The following GRIK3 variants were observed in gnomAD, a reference collection of about 807,000 sequenced individuals.
The protein encoded by GRIK3 is glutamate receptor ionotropic, kainate 3.
A neutral mutation model predicts 102.5 loss-of-function variants in GRIK3; 29 were observed. That is an observed-to-expected ratio of 0.28 (90% CI 0.21 to 0.39). The LOEUF (loss-of-function observed/expected upper bound fraction) is 0.39, where lower values mean the gene tolerates loss of function less well. GRIK3 is among the 10% of genes least tolerant of loss of function. The probability of loss-of-function intolerance (pLI) is 1.00; values close to 1 mark genes in which losing one functional copy is unlikely to be tolerated. For missense variants in GRIK3, 908 were observed against 1,252.4 expected (o/e 0.73, Z 4.15); for synonymous variants, 511 against 504.9 (o/e 1.01, Z -0.16).
chr1:36,890,751 A>G (rs1641103947), intron 2 of GRIK3, among the ~76,000 whole-genome samples, 169 bp downstream of exon 2: 1 of 152,238 alleles, frequency 6.6e-6, no homozygotes, highest in Non-Finnish European at 1.5e-5. Flanking sequence ...AACTAATATC[A>G]GAGTTGCTAG....
At position 36,819,869 on chromosome 1, in the gene GRIK3, G is replaced by A. The variant is rs776429567; in HGVS notation, c.1755-15C>T. On this transcript the variant is annotated splice_polypyrimidine_tract_variant and intron_variant, in intron 11 of 15. Coordinates refer to ENST00000373091, the MANE Select transcript of GRIK3 (RefSeq NM_000831.4). This position sits in a 1 kb window ranked among gnomAD's most constrained non-coding sequence, Gnocchi z 4.1. ...AAGGGCTGAACCTGCCACAGGAGGA[G>A]AGGGACAGTCAGCCTGGGAAGCAAG... 2.9e-5 allele frequency: 40 copies of A among 1,377,324 alleles called. 1 individual carries two copies. The South Asian group carries it at 4.7e-4, about 16-fold the overall frequency. 85.3% of individuals were successfully genotyped at this position (1,377,324 alleles called of 1,614,324 possible). A position where few individuals can be genotyped will look rare whatever the true frequency, so the allele number is the denominator to read the frequency against.
chr1:36,851,377 G>T (rs566007294), intron 8 of GRIK3, among the ~76,000 whole-genome samples: 1 of 152,242 alleles, frequency 6.6e-6, no homozygotes, highest in African/African-American at 2.4e-5. Context: ...TGGGAGCTCA[G>T]CATCCTCTCA....
intron 5 of GRIK3, among the ~76,000 whole-genome samples, chr1:36,867,252 C>T (rs1640795725): frequency 6.6e-6 from 1 of 152,200 alleles, no homozygotes; most frequent in Non-Finnish European, 1.5e-5. Context: ...CTCACCATCT[C>T]TTTCTCTGAT....
chr1:36,828,490 T>C (rs1642780266), intron 10 of GRIK3, among the ~76,000 whole-genome samples: 1 of 152,242 alleles, frequency 6.6e-6, no homozygotes, highest in Non-Finnish European at 1.5e-5. Context: ...AGTAGCATGC[T>C]GCACAGGTTT....
At chr1:36,967,130 C>A (rs1642088724) in intron 1 of GRIK3, among the ~76,000 whole-genome samples, 1 of 152,216 alleles carries the variant, frequency 6.6e-6, no homozygotes, top group Non-Finnish European at 1.5e-5. Context: ...GACATCCTGA[C>A]TCTAGGGCCT....
Position 36,925,078 on chromosome 1 carries a change from A to G in GRIK3, c.116-33982T>C, listed in dbSNP as rs145107004. Among the ~76,000 whole-genome samples, 141 of 152,340 alleles carry G rather than the reference A, an allele frequency of 9.3e-4. 1 individual carries two copies. The East Asian group carries it at 0.023, about 25-fold the overall frequency. ...TCATGCACCCATTATTCAGAGGATA[A>G]CAAATGAAGCTCCAGCAGGAAGATT... is the stretch of plus-strand genomic sequence containing the variant. On this transcript the variant is annotated intron_variant, in intron 1 of 15. Coordinates refer to ENST00000373091, the MANE Select transcript of GRIK3 (RefSeq NM_000831.4).
At chr1:36,847,891 T>C (rs535608646) in intron 9 of GRIK3, among the ~76,000 whole-genome samples, 1 of 152,158 alleles carries the variant, frequency 6.6e-6, no homozygotes, top group Non-Finnish European at 1.5e-5. Flanking sequence ...GCCTTGCAGC[T>C]GAGAGGCTGT....
At chr1:36,975,163 T>C (rs972712050) in intron 1 of GRIK3, among the ~76,000 whole-genome samples, 12 of 152,120 alleles carry the variant, frequency 7.9e-5, no homozygotes, top group African/African-American at 2.4e-4. Context: ...ATGTTCTATA[T>C]AGGTATCACA....
At chr1:36,826,461 G>A (rs1408487294) in intron 10 of GRIK3, among the ~76,000 whole-genome samples, 1 of 152,012 alleles carries the variant, frequency 6.6e-6, no homozygotes, top group African/African-American at 2.4e-5. Flanking sequence ...TGAGCCCAGG[G>A]GTTTGAGAAT....
intron 12 of GRIK3, among the ~76,000 whole-genome samples, chr1:36,817,920 A>T (rs1043026152): frequency 1.1e-4 from 17 of 152,354 alleles, no homozygotes; most frequent in Non-Finnish European, 1.6e-4. Flanking sequence ...AGGGGAAAAA[A>T]AAATCAACAC....
At chr1:36,805,294 G>A in intron 14 of GRIK3, 57 bp from the exon 15 acceptor site, 1 of 1,545,856 alleles carries the variant, frequency 6.5e-7, no homozygotes, top group Admixed American at 1.8e-5. Context: ...TTCTGTGTTT[G>A]GCTCTGCCAA....
At chr1:36,873,196 G>T (rs961640942) in intron 3 of GRIK3, among the ~76,000 whole-genome samples, 2 of 152,094 alleles carry the variant, frequency 1.3e-5, no homozygotes, top group Non-Finnish European at 2.9e-5. Flanking sequence ...CCCAGCACAG[G>T]GCCTGGCACT....
At chr1:36,826,972 T>C (rs1642762628) in intron 10 of GRIK3, among the ~76,000 whole-genome samples, 1 of 152,136 alleles carries the variant, frequency 6.6e-6, no homozygotes, top group Non-Finnish European at 1.5e-5. Context: ...CCACAGTCCC[T>C]CCTTCAGCCC....
chr1:37,033,968 GA>G, intron 1 of GRIK3, 25 bp downstream of exon 1: 1 of 1,377,248 alleles, frequency 7.3e-7, no homozygotes, highest in Non-Finnish European at 1.0e-6. Context: ...GGCGCACGGA[GA>G]CCCCCGGCTC....
At chr1:36,812,680 C>T (rs1280816644) in intron 13 of GRIK3, among the ~76,000 whole-genome samples, 2 of 151,960 alleles carry the variant, frequency 1.3e-5, no homozygotes, top group Admixed American at 6.6e-5. Context: ...GGATCGAGAG[C>T]CCCCCGAGAG....
At chr1:36,823,956 C>T (rs991482147) in intron 11 of GRIK3, among the ~76,000 whole-genome samples, 1 of 152,134 alleles carries the variant, frequency 6.6e-6, no homozygotes, top group African/African-American at 2.4e-5. Flanking sequence ...TTATACCCAC[C>T]TCAAGAGAGG....
At chr1:36,810,552 T>A (rs564755063) in intron 13 of GRIK3, among the ~76,000 whole-genome samples, 7 of 152,342 alleles carry the variant, frequency 4.6e-5, no homozygotes, top group African/African-American at 1.7e-4. Flanking sequence ...ATTTAACATT[T>A]CTGTACAAGA....
intron 1 of GRIK3, among the ~76,000 whole-genome samples, chr1:36,936,333 T>C (rs1277566740): frequency 2.6e-5 from 4 of 152,186 alleles, no homozygotes; most frequent in South Asian, 2.1e-4. Context: ...TAGGAAGAGA[T>C]GGAAAACAAG....
chr1:36,844,873 G>T (rs902004023), intron 9 of GRIK3, among the ~76,000 whole-genome samples: 2 of 152,112 alleles, frequency 1.3e-5, no homozygotes, highest in Non-Finnish European at 2.9e-5. Flanking sequence ...GGTTGATAGC[G>T]GAAAACCATT....
Sources: allele counts gnomAD v4.1 joint callset (sites outside exome capture counted in the v4.1 genomes callset), GRCh38; gene constraint gnomAD v4.1.1; non-coding constraint Gnocchi (gnomAD v3.1); transcripts MANE v1.5; gene names NCBI Gene and HGNC (gene_info 2026-07-23, HGNC 2026-07-21).